Variants in ZNF536 observed in about 807,000 individuals in gnomAD.
ZNF536 encodes zinc finger protein 536.
ZNF536 carries 13 observed loss-of-function variants against 84.5 expected under a neutral mutation model. The ratio of observed to expected loss-of-function variants is 0.15; its 90% CI spans 0.10 to 0.24. The LOEUF (loss-of-function observed/expected upper bound fraction) is 0.24, where lower values mean the gene tolerates loss of function less well. Among genes scored for constraint, ZNF536 ranks in the 10% least tolerant of loss-of-function variants. The probability of loss-of-function intolerance (pLI) is 1.00; values close to 1 mark genes in which losing one functional copy is unlikely to be tolerated. For missense variants in ZNF536, 1,536 were observed against 1,747.5 expected, an observed-to-expected ratio of 0.88 and a Z score of 2.16; for synonymous variants, 811 against 742.5, an observed-to-expected ratio of 1.09 and a Z score of -1.50.
intron 2 of ZNF536, among the ~76,000 whole-genome samples, chr19:30,520,697 G>A (rs1480259302): frequency 2.6e-5 from 4 of 152,124 alleles, no homozygotes; most frequent in Non-Finnish European, 4.4e-5. Context: ...GGATCCTATG[G>A]TGACTCCATG....
intron 1 of ZNF536, among the ~76,000 whole-genome samples, chr19:30,676,016 T>C (rs2050740193): frequency 6.6e-6 from 1 of 151,408 alleles, no homozygotes; most frequent in Non-Finnish European, 1.5e-5. Context: ...AGCCACTACA[T>C]CAGGCTAATT....
At chr19:30,706,774 T>TGA (rs2052252101) in intron 1 of ZNF536, among the ~76,000 whole-genome samples, 1 of 152,208 alleles carries the variant, frequency 6.6e-6, no homozygotes, top group East Asian at 1.9e-4. Flanking sequence ...AATGAATAAA[T>TGA]GAATGACTTA....
rs533749537 is a variant in ZNF536, at chr19:30,466,841, T to A, written c.2170+21109T>A. Reference sequence around the variant, plus strand: ...AGGAAACTTACCATTTTAACCATTTTTTTTGTTTTTTGTTTTGAGGTGGAG... The same window carrying A: ...AGGAAACTTACCATTTTAACCATTTATTTTGTTTTTTGTTTTGAGGTGGAG... On this transcript the variant is annotated intron_variant, in intron 2 of 4. Coordinates refer to ENST00000355537, the MANE Select transcript of ZNF536 (RefSeq NM_014717.3). 2.4e-3 allele frequency among the ~76,000 whole-genome samples: 364 copies of A among 151,958 alleles called. 1 individual carries two copies. The highest frequency in any genetic ancestry group is 8.5e-3 in the African/African-American group (353 of 41,432).
At chr19:30,385,624 C>G (rs1010101886) in intron 1 of ZNF536, among the ~76,000 whole-genome samples, 1 of 152,166 alleles carries the variant, frequency 6.6e-6, no homozygotes, top group Non-Finnish European at 1.5e-5. Context: ...TCTTCCAGAC[C>G]CTGCATGACA....
intron 2 of ZNF536, among the ~76,000 whole-genome samples, chr19:30,522,056 T>G (rs1457602327): frequency 6.6e-6 from 1 of 151,418 alleles, no homozygotes; most frequent in African/African-American, 2.4e-5. Flanking sequence ...GGGAGGGCCA[T>G]TCGCAGGGCA....
upstream of ZNF536, among the ~76,000 whole-genome samples, chr19:30,368,940 T>C (rs1252363416): frequency 1.3e-5 from 2 of 152,204 alleles, no homozygotes; most frequent in African/African-American, 4.8e-5. Context: ...AACTCATTCT[T>C]TATACCAGCT....
chr19:30,506,992 G>T (rs905969223), intron 2 of ZNF536, among the ~76,000 whole-genome samples: 1 of 152,168 alleles, frequency 6.6e-6, no homozygotes, highest in African/African-American at 2.4e-5. Flanking sequence ...CAAAAAGGGG[G>T]ATCGTAGTAT....
chr19:30,338,077 TATG>T (rs1454517664), intron 2 of ZNF536, among the ~76,000 whole-genome samples: 3 of 150,646 alleles, frequency 2.0e-5, no homozygotes, highest in South Asian at 2.1e-4. Flanking sequence ...ATAATGATGA[TATG>T]ATGATAATGG....
chr19:30,539,959 G>T, intron 3 of ZNF536, among the ~76,000 whole-genome samples: 1 of 152,242 alleles, frequency 6.6e-6, no homozygotes. Flanking sequence ...AAACTTGGAG[G>T]CATGAAAGTT....
chr19:30,701,530 A>G (rs565678066), intron 1 of ZNF536, among the ~76,000 whole-genome samples: 1 of 146,568 alleles, frequency 6.8e-6, no homozygotes, highest in East Asian at 2.1e-4. Flanking sequence ...CAGACACACA[A>G]ACACACAGAC....
intron 2 of ZNF536, among the ~76,000 whole-genome samples, chr19:30,484,390 C>CTTTTTTTTT (rs375461433): frequency 2.5e-4 from 29 of 117,410 alleles, no homozygotes; most frequent in African/African-American, 5.0e-4. Flanking sequence ...TCATGCCCAG[C>CTTTTTTTTT]TTTTTTTTTT....
intron 1 of ZNF536, among the ~76,000 whole-genome samples, chr19:30,424,261 G>T (rs1391257297): frequency 1.3e-5 from 2 of 152,164 alleles, no homozygotes; most frequent in Admixed American, 6.5e-5. Flanking sequence ...TGGACTTGGA[G>T]CAGGAGCACT....
intron 1 of ZNF536, among the ~76,000 whole-genome samples, chr19:30,401,488 G>C (rs143405475): frequency 6.6e-6 from 1 of 152,128 alleles, no homozygotes; most frequent in Non-Finnish European, 1.5e-5. Context: ...ACAGGAGCAC[G>C]TGTGAAGGAC....
intron 3 of ZNF536, among the ~76,000 whole-genome samples, chr19:30,355,538 C>T (rs1171312955): frequency 6.6e-6 from 1 of 152,034 alleles, no homozygotes; most frequent in East Asian, 1.9e-4. Context: ...CAAGTGCCTC[C>T]CACCGTGCCT....
At chr19:30,401,789 G>C (rs1402838352) in intron 1 of ZNF536, among the ~76,000 whole-genome samples, 1 of 152,142 alleles carries the variant, frequency 6.6e-6, no homozygotes, top group Admixed American at 6.5e-5. Context: ...TCAACAACAG[G>C]TACAGAGTTT....
intron 2 of ZNF536, among the ~76,000 whole-genome samples, chr19:30,341,118 GT>G (rs1485187537): frequency 6.6e-6 from 1 of 152,142 alleles, no homozygotes; most frequent in Non-Finnish European, 1.5e-5. Context: ...TTACATTTTT[GT>G]TTAGTTTTTA....
At chr19:30,534,549 A>G (rs1469460755) in intron 2 of ZNF536, among the ~76,000 whole-genome samples, 2 of 152,252 alleles carry the variant, frequency 1.3e-5, no homozygotes, top group African/African-American at 2.4e-5. Flanking sequence ...AAAATATTTA[A>G]TAGGAACTAA....
chr19:30,626,399 A>G (rs2048680832), intron 1 of ZNF536, among the ~76,000 whole-genome samples: 1 of 151,748 alleles, frequency 6.6e-6, no homozygotes, highest in African/African-American at 2.4e-5. Flanking sequence ...GCTCTTTAGT[A>G]TCATTTTACA....
chr19:30,463,118 T>C (rs1448107530), intron 2 of ZNF536, among the ~76,000 whole-genome samples: 3 of 152,140 alleles, frequency 2.0e-5, no homozygotes, highest in African/African-American at 7.2e-5. Context: ...CGTGTATCTG[T>C]ATGCATTTGC....
Sources: allele counts gnomAD v4.1 joint callset (sites outside exome capture counted in the v4.1 genomes callset), GRCh38; gene constraint gnomAD v4.1.1; transcripts MANE v1.5; gene names NCBI Gene and HGNC (gene_info 2026-07-23, HGNC 2026-07-21).